NET1: variants seen among roughly 807,000 people sequenced by gnomAD.
NET1 encodes the protein neuroepithelial cell-transforming gene 1 protein.
NET1 carries 42 observed loss-of-function variants against 61.1 expected under a neutral mutation model. The observed-to-expected ratio is 0.69, with a 90% CI of 0.54 to 0.89. NET1 has a LOEUF of 0.89. Ranked by LOEUF, NET1 falls within the 40% of genes least tolerant of loss-of-function variation. The pLI is 0.00. For missense variants in NET1, 654 were observed against 747.3 expected (o/e 0.88, Z 1.46); for synonymous variants, 254 against 281.8 (o/e 0.90, Z 0.99).
In NET1 at chr10:5,439,374, C is replaced by T. The variant is rs894188026; in HGVS notation, c.255+10145C>T. Among the ~76,000 whole-genome samples, 6 of 152,178 alleles carry T rather than the reference C, an allele frequency of 3.9e-5. No homozygotes were observed. The highest frequency in any genetic ancestry group is 1.4e-4 in the African/African-American group (6 of 41,448). ...TTAGTGGTTTTAGAGACCTACTCCA[C>T]CCCTAGATGAAGAGTTGAAAGAGAA... On this transcript the variant is annotated intron_variant, in intron 3 of 11. Transcript: ENST00000355029. This position sits in a 1 kb window ranked among gnomAD's most constrained non-coding sequence, Gnocchi z 4.8.
In NET1 at chr10:5,456,999, G is replaced by T; in HGVS notation, c.*5G>T. The stretch of plus-strand genomic sequence containing the variant: ...CGGAAAGAGACTTTGGTGTAGAGAA[G>T]GCTCTGTGTGTTAACTGATGGGAGA... On this transcript the variant is annotated 3_prime_UTR_variant, in exon 12 of 12. Transcript: ENST00000355029. The surrounding 1 kb of genome is among the most constrained non-coding windows in gnomAD (Gnocchi z 7.0). 1 of 1,537,000 alleles carries T rather than the reference G, an allele frequency of 6.5e-7. No individual in the cohort carries two copies. Among genetic ancestry groups the T allele is most frequent in the African/African-American group, 1.4e-5 (1 of 72,396 alleles).
rs146661231 is a variant in NET1 at position 5,438,118 on chromosome 10, C to T, written c.255+8889C>T. 2.6e-5 allele frequency among the ~76,000 whole-genome samples: 4 copies of T among 152,134 alleles called. No individual in the cohort carries two copies. In the East Asian group the frequency reaches 7.7e-4, roughly 29 times the overall value. On this transcript the variant is annotated intron_variant, in intron 3 of 11. Coordinates refer to ENST00000355029, the MANE Select transcript of NET1 (RefSeq NM_001047160.3). ...AAAGCATTGCTGAGAGAGAAACTTA[C>T]AGGTGTAAACACTTTACATTAGAAA...
rs1358083367 is a variant in NET1 at position 5,424,424 on chromosome 10, A to G, written c.129-2231A>G. ...TTCCATAATATTTTACCATTTGTTTATGATAGTAATCCTATGTATTTCTTG... is the reference window on the plus strand; with the variant it reads ...TTCCATAATATTTTACCATTTGTTTGTGATAGTAATCCTATGTATTTCTTG... On this transcript the variant is annotated intron_variant, in intron 1 of 11. Transcript: ENST00000355029. This position sits in a 1 kb window ranked among gnomAD's most constrained non-coding sequence, Gnocchi z 6.1. Among the ~76,000 whole-genome samples, 1 of 152,196 alleles carries G rather than the reference A, an allele frequency of 6.6e-6. No homozygotes were observed. Among genetic ancestry groups the G allele is most frequent in the Non-Finnish European group, 1.5e-5 (1 of 68,026 alleles).
Position 5,431,821 on chromosome 10 carries a change from C to G in NET1, c.255+2592C>G, listed in dbSNP as rs886616096. On this transcript the variant is annotated intron_variant, in intron 3 of 11. Transcript: ENST00000355029. The surrounding 1 kb of genome is among the most constrained non-coding windows in gnomAD (Gnocchi z 4.9). ...GTCTCACTATGTTGGCCAGGAAGGC[C>G]TCAAATTCCTAGTCTCAAGCAGTGC... Among the ~76,000 whole-genome samples the G allele has an allele frequency of 6.6e-6, 1 of 151,940 alleles. No individual in the cohort carries two copies. The highest frequency in any genetic ancestry group is 2.4e-5 in the African/African-American group (1 of 41,346).
rs1832265651 is a variant in NET1 at position 5,426,834 on chromosome 10, A to G, written c.195+113A>G. 9.7e-6 allele frequency: 6 copies of G among 620,456 alleles called. No homozygotes were observed. Among genetic ancestry groups the G allele is most frequent in the Non-Finnish European group, 1.6e-5 (6 of 381,408 alleles). 38.4% of individuals were successfully genotyped at this position (620,456 alleles called of 1,614,324 possible). A position where few individuals can be genotyped will look rare whatever the true frequency, so the allele number is the denominator to read the frequency against. ...CTTACTTCTGAGGGTCTTGAGGAAC[A>G]GAATTCCTGTAACCATCTTTGGCAG... is the stretch of plus-strand genomic sequence containing the variant. On this transcript the variant is annotated intron_variant, in intron 2 of 11. Coordinates refer to ENST00000355029, the MANE Select transcript of NET1 (RefSeq NM_001047160.3). The surrounding 1 kb of genome is among the most constrained non-coding windows in gnomAD (Gnocchi z 4.6).
rs139773413 is a variant in NET1, at chr10:5,456,718, G to A, written c.1515G>A (p.Ser505=). Residue 505 remains serine (S), a synonymous_variant, in exon 12 of 12, where the codon TCG becomes TCA. Transcript: ENST00000355029. This position sits in a 1 kb window ranked among gnomAD's most constrained non-coding sequence, Gnocchi z 7.0. ...GAGCGGCCATTGCCCCCTTCCAGTC[G>A]GCAGGCAGTCCACCTGAGCTGCAGG... is the stretch of plus-strand genomic sequence containing the variant. The part of the protein sequence containing the change: ...CIRAAIAPFQ[S]AGSPPELQGL... 111 of 1,613,982 alleles carry A rather than the reference G, an allele frequency of 6.9e-5. No individual in the cohort carries two copies. Among genetic ancestry groups the A allele is most frequent in the Middle Eastern group, 1.6e-4 (1 of 6,082 alleles).
intron 2 of NET1, 145 bp from the exon 3 acceptor site, chr10:5,429,025 C>G: frequency 1.9e-6 from 1 of 527,600 alleles, no homozygotes; most frequent in Non-Finnish European, 3.3e-6. Context: ...TGAGCCACCG[C>G]GCCTGGCCTC....
Position 5,415,655 on chromosome 10 carries a change from G to T in NET1, c.128+2835G>T, listed in dbSNP as rs1832070416. ...AGGGTTTCACCATGTTGGCTAGGCT[G>T]GTCTTGAACTCCTGACCTTGTGATT... is the stretch of plus-strand genomic sequence containing the variant. On this transcript the variant is annotated intron_variant, in intron 1 of 11. Coordinates refer to ENST00000355029, the MANE Select transcript of NET1 (RefSeq NM_001047160.3). This position sits in a 1 kb window ranked among gnomAD's most constrained non-coding sequence, Gnocchi z 4.7. 6.6e-6 allele frequency among the ~76,000 whole-genome samples: 1 copy of T among 152,080 alleles called. No homozygotes were observed. Among genetic ancestry groups the T allele is most frequent in the African/African-American group, 2.4e-5 (1 of 41,392 alleles).
In NET1 at chr10:5,452,768, C is replaced by T. The variant is rs1032828512; in HGVS notation, c.532-90C>T. 39 of 1,192,762 alleles carry T rather than the reference C, an allele frequency of 3.3e-5. No homozygotes were observed. Among genetic ancestry groups the T allele is most frequent in the Middle Eastern group, 2.0e-4 (1 of 5,006 alleles). 73.9% of individuals were successfully genotyped at this position (1,192,762 alleles called of 1,614,324 possible). ...CAGACTGAGTTACTTTTTAAAATGC[C>T]GTTCAAAACATCAAATAATGTAATT... On this transcript the variant is annotated intron_variant, in intron 5 of 11. Coordinates refer to ENST00000355029, the MANE Select transcript of NET1 (RefSeq NM_001047160.3). The surrounding 1 kb of genome is among the most constrained non-coding windows in gnomAD (Gnocchi z 4.0).
chr10:5,422,374 A>C lies in NET1; in HGVS notation c.129-4281A>C, dbSNP rs1257374094. On this transcript the variant is annotated intron_variant, in intron 1 of 11. Coordinates refer to ENST00000355029, the MANE Select transcript of NET1 (RefSeq NM_001047160.3). This position sits in a 1 kb window ranked among gnomAD's most constrained non-coding sequence, Gnocchi z 4.1. ...AGTCTTTGTGTAGACATACGTTTTC[A>C]CTCCTCTTGGGTAAATTCTTGGGGG... Among the ~76,000 whole-genome samples the C allele has an allele frequency of 6.6e-6, 1 of 151,672 alleles. No individual in the cohort carries two copies. The highest frequency in any genetic ancestry group is 1.9e-4 in the East Asian group (1 of 5,172).
chr10:5,452,522 G>T lies in NET1; in HGVS notation c.528G>T (p.Gln176His), dbSNP rs770846739. 1.2e-6 allele frequency: 2 copies of T among 1,610,460 alleles called. No individual in the cohort carries two copies. The highest frequency in any genetic ancestry group is 1.7e-6 in the Non-Finnish European group (2 of 1,178,138). ...ESLTTREIRRQEAIYEMSRGE... is the reference protein window; with the variant it reads ...ESLTTREIRRHEAIYEMSRGE... ...TCACCACCAGGGAGATCAGACGGCA[G>T]GAGGTATGCTGGCACTCAGTGTACA... is the stretch of plus-strand genomic sequence containing the variant. Residue 176 changes from glutamine to histidine, a missense_variant, in exon 5 of 12, where the codon CAG (glutamine) becomes CAT (histidine). By Grantham distance (24) the Gln-to-His change is conservative. Coordinates refer to ENST00000355029, the MANE Select transcript of NET1 (RefSeq NM_001047160.3). This position sits in a 1 kb window ranked among gnomAD's most constrained non-coding sequence, Gnocchi z 4.0.
rs924494249 is a variant in NET1, at chr10:5,426,049, T to C, written c.129-606T>C. On this transcript the variant is annotated intron_variant, in intron 1 of 11. Transcript: ENST00000355029. The surrounding 1 kb of genome is among the most constrained non-coding windows in gnomAD (Gnocchi z 4.6). ...TCTTGCTTTATGTGTTTACATTGAA[T>C]GGAAAAGAAACACAGAAAAATCTTT... Among the ~76,000 whole-genome samples the C allele has an allele frequency of 6.6e-6, 1 of 152,194 alleles. No individual in the cohort carries two copies. Among genetic ancestry groups the C allele is most frequent in the Admixed American group, 6.5e-5 (1 of 15,284 alleles).
rs1337772076 is a variant in NET1 at position 5,452,543 on chromosome 10, G to T, written c.531+18G>T. 1 of 1,579,556 alleles carries T rather than the reference G, an allele frequency of 6.3e-7. No individual in the cohort carries two copies. Among genetic ancestry groups the T allele is most frequent in the Non-Finnish European group, 8.6e-7 (1 of 1,163,670 alleles). Reference sequence around the variant, plus strand: ...GGCAGGAGGTATGCTGGCACTCAGTGTACATGTTTTCCCAAAAGAACAGCA... The same window carrying T: ...GGCAGGAGGTATGCTGGCACTCAGTTTACATGTTTTCCCAAAAGAACAGCA... On this transcript the variant is annotated intron_variant, in intron 5 of 11. Transcript: ENST00000355029. This position sits in a 1 kb window ranked among gnomAD's most constrained non-coding sequence, Gnocchi z 4.0.
In NET1 at chr10:5,453,796, G is replaced by A. The variant is rs1405889620; in HGVS notation, c.768+236G>A. 9.9e-5 allele frequency among the ~76,000 whole-genome samples: 15 copies of A among 151,968 alleles called. No individual in the cohort carries two copies. The East Asian group carries it at 2.9e-3, about 29-fold the overall frequency. On this transcript the variant is annotated intron_variant, in intron 8 of 11. Coordinates refer to ENST00000355029, the MANE Select transcript of NET1 (RefSeq NM_001047160.3). The surrounding 1 kb of genome is among the most constrained non-coding windows in gnomAD (Gnocchi z 4.9). ...TTACAAATACGTTCCTGCTTGGATAGAATTCCCACATCATGTGTGATTATC... is the reference window on the plus strand; with the variant it reads ...TTACAAATACGTTCCTGCTTGGATAAAATTCCCACATCATGTGTGATTATC...
chr10:5,430,749 C>T (rs2119180061), intron 3 of NET1, among the ~76,000 whole-genome samples: 1 of 152,038 alleles, frequency 6.6e-6, no homozygotes, highest in Non-Finnish European at 1.5e-5. Flanking sequence ...AGAATTCATG[C>T]ATTTTCTTGA....
chr10:5,412,828 TG>T lies in NET1; in HGVS notation c.128+13del, dbSNP rs747486212. ...GTCGGAGCTGGACGGGAGGTGAGTG[TG>T]GGGGAGGGGAGGGCCGAACGGGAGG... is the stretch of plus-strand genomic sequence containing the variant. On this transcript the variant is annotated intron_variant, in intron 1 of 11. Coordinates refer to ENST00000355029, the MANE Select transcript of NET1 (RefSeq NM_001047160.3). The surrounding 1 kb of genome is among the most constrained non-coding windows in gnomAD (Gnocchi z 6.5). The T allele has an allele frequency of 1.1e-5, 13 of 1,210,790 alleles. No homozygotes were observed. Among genetic ancestry groups the T allele is most frequent in the African/African-American group, 2.2e-5 (1 of 45,682 alleles). 75.0% of individuals were successfully genotyped at this position (1,210,790 alleles called of 1,614,324 possible).
Position 5,422,967 on chromosome 10 carries a change from T to C in NET1, c.129-3688T>C, listed in dbSNP as rs1832201618. On this transcript the variant is annotated intron_variant, in intron 1 of 11. Transcript: ENST00000355029. This position sits in a 1 kb window ranked among gnomAD's most constrained non-coding sequence, Gnocchi z 4.1. Reference sequence around the variant, plus strand: ...AGTGTTAACTGCAGAGGATAAATTATACCATTCTTTTTACATGTATGGTAT... The same window carrying C: ...AGTGTTAACTGCAGAGGATAAATTACACCATTCTTTTTACATGTATGGTAT... Among the ~76,000 whole-genome samples, 1 of 152,260 alleles carries C rather than the reference T, an allele frequency of 6.6e-6. No individual in the cohort carries two copies. Among genetic ancestry groups the C allele is most frequent in the Non-Finnish European group, 1.5e-5 (1 of 68,042 alleles).
In NET1 at chr10:5,443,595, T is replaced by C. The variant is rs998643435; in HGVS notation, c.256-8235T>C. On this transcript the variant is annotated intron_variant, in intron 3 of 11. Coordinates refer to ENST00000355029, the MANE Select transcript of NET1 (RefSeq NM_001047160.3). This position sits in a 1 kb window ranked among gnomAD's most constrained non-coding sequence, Gnocchi z 4.8. ...TCTTGAGTCCAGTTGAACTTCCGCA[T>C]GTTCATCATTCCTTTTTTAGATGCT... is the stretch of plus-strand genomic sequence containing the variant. Among the ~76,000 whole-genome samples, 1 of 152,194 alleles carries C rather than the reference T, an allele frequency of 6.6e-6. No homozygotes were observed. Among genetic ancestry groups the C allele is most frequent in the East Asian group, 1.9e-4 (1 of 5,194 alleles).
At chr10:5,413,083 A>AGTGAGGGTGGCACAGGCTGGG (rs1171119279) in intron 1 of NET1, among the ~76,000 whole-genome samples, 110 of 150,092 alleles carry the variant, frequency 7.3e-4, no homozygotes, top group Non-Finnish European at 1.0e-4. Flanking sequence ...CACAGGCTGG[A>AGTGAGGGTGGCACAGGCTGGG]GTGACAGTGT....
Sources: gnomAD v4.1 joint callset for allele counts (sites outside exome capture counted in the v4.1 genomes callset) on GRCh38, gnomAD v4.1.1 for gene constraint, Gnocchi (gnomAD v3.1) non-coding constraint, MANE v1.5 for transcripts, NCBI Gene and HGNC (gene_info 2026-07-23, HGNC 2026-07-21) for gene names.